The following AIRE variants were observed in gnomAD, a reference collection of about 807,000 sequenced individuals.
The protein encoded by AIRE is autoimmune polyendocrinopathy candidiasis ectodermal dystrophy protein.
In AIRE, 52 loss-of-function variants were observed where a neutral mutation model predicts 62.1. That is an observed-to-expected ratio of 0.84 (90% confidence interval 0.67 to 1.06). AIRE has a LOEUF of 1.06. AIRE is among the 50% of genes least tolerant of loss of function. The probability of loss-of-function intolerance (pLI) is 0.00; values close to 1 mark genes in which losing one functional copy is unlikely to be tolerated. For missense variants in AIRE, 774 were observed against 755.8 expected, an observed-to-expected ratio of 1.02 and a Z score of -0.28; for synonymous variants, 342 against 321.6, an observed-to-expected ratio of 1.06 and a Z score of -0.68.
In AIRE at chr21:44,293,909, G is replaced by T. The variant is rs202018301; in HGVS notation, c.1399G>T (p.Gly467Trp). The change falls in exon 11 of 14, where the codon GGG (glycine) becomes TGG (tryptophan). Residue 467 changes from glycine to tryptophan, a missense_variant and splice_region_variant. Transcript: ENST00000291582. ...CTTCCCAGCCGGCACCTCCCGGCCC[G>T]GGTGAGTGAGCGTGGTCGGCGGGGA... ...CHFPAGTSRP[G>W]TGLRCRSCSG... The T allele has an allele frequency of 1.9e-6, 3 of 1,596,436 alleles. No homozygotes were observed. The highest frequency in any genetic ancestry group is 2.5e-6 in the Non-Finnish European group (3 of 1,179,436).
Position 44,285,909 on chromosome 21 carries a change from G to T in AIRE, c.-98G>T. 1 of 1,222,230 alleles carries T rather than the reference G, an allele frequency of 8.2e-7. No homozygotes were observed. The highest frequency in any genetic ancestry group is 1.6e-5 in the South Asian group (1 of 64,464). 75.7% of individuals were successfully genotyped at this position (1,222,230 alleles called of 1,614,324 possible). The stretch of plus-strand genomic sequence containing the variant: ...GGGCGGGCGCACAGCCGGCGCGGAG[G>T]CCCCACAGCCCCGCCGGGACCCGAG... On this transcript the variant is annotated 5_prime_UTR_variant, in exon 1 of 14. Coordinates refer to ENST00000291582, the MANE Select transcript of AIRE (RefSeq NM_000383.4).
intron 7 of AIRE, 74 bp from the exon 8 acceptor site, chr21:44,291,021 T>C (rs1310605911): frequency 6.2e-7 from 1 of 1,613,276 alleles, no homozygotes; most frequent in East Asian, 2.2e-5. Flanking sequence ...GGGAGCTGTT[T>C]TGGGAAGGAG....
At chr21:44,288,497 C>A in intron 5 of AIRE, 39 bp downstream of exon 5, 1 of 1,460,442 alleles carries the variant, frequency 6.8e-7, no homozygotes, top group Non-Finnish European at 9.6e-7. Flanking sequence ...GATGGGGAGA[C>A]CCAGGCTCCA....
chr21:44,289,467 G>A, intron 5 of AIRE, 190 bp from the exon 6 acceptor site: 1 of 697,074 alleles, frequency 1.4e-6, no homozygotes. Flanking sequence ...GGGGGACGCT[G>A]TTGAACACCC....
chr21:44,293,838 T>A lies in AIRE; in HGVS notation c.1328T>A (p.Val443Glu). 6.3e-7 allele frequency: 1 copy of A among 1,597,010 alleles called. No homozygotes were observed. Among genetic ancestry groups the A allele is most frequent in the Non-Finnish European group, 8.5e-7 (1 of 1,179,594 alleles). ...RCGVCGDGTD[V>E]LRCTHCAAAF... ...GGGGTGTGCGGAGATGGTACGGACG[T>A]GCTGCGGTGTACTCACTGCGCCGCT... Residue 443 changes from valine (V) to glutamate (E), a missense_variant, in exon 11 of 14, where the codon GTG (valine) becomes GAG (glutamate). Coordinates refer to ENST00000291582, the MANE Select transcript of AIRE (RefSeq NM_000383.4).
Position 44,286,856 on chromosome 21 carries a change from G to C in AIRE, c.308-122G>C. ...GTGGGTGATGTTCCAGGACCGTCTT[G>C]GATCCTAAGAGGCAAAGGGGCCAGG... On this transcript the variant is annotated intron_variant, in intron 2 of 13. Transcript: ENST00000291582. This position sits in a 1 kb window ranked among gnomAD's most constrained non-coding sequence, Gnocchi z 6.0. The C allele has an allele frequency of 6.4e-7, 1 of 1,567,670 alleles. No individual in the cohort carries two copies.
chr21:44,293,193 G>A lies in AIRE; in HGVS notation c.1278+18G>A, dbSNP rs762245968. 2 of 1,538,132 alleles carry A rather than the reference G, an allele frequency of 1.3e-6. No individual in the cohort carries two copies. The highest frequency in any genetic ancestry group is 2.4e-5 in the South Asian group (2 of 83,486). On this transcript the variant is annotated intron_variant, in intron 10 of 13. Coordinates refer to ENST00000291582, the MANE Select transcript of AIRE (RefSeq NM_000383.4). ...GTCAGCAGGTGAGCGGGGAGTGGGG[G>A]TCAGGGTGGGCTCTTCAAGGAGCCC...
In AIRE at chr21:44,293,125, G is replaced by T. The variant is rs200679646; in HGVS notation, c.1228G>T (p.Asp410Tyr). 1.3e-6 allele frequency: 2 copies of T among 1,597,430 alleles called. No homozygotes were observed. The highest frequency in any genetic ancestry group is 8.5e-7 in the Non-Finnish European group (1 of 1,172,884). Residue 410 changes from aspartate (D) to tyrosine (Y), a missense_variant, in exon 10 of 14, where the codon GAC (aspartate) becomes TAC (tyrosine). Asp to Tyr is a radical substitution (Grantham distance 160, BLOSUM62 -3). This residue lies in a region of AIRE where 354 missense variants were observed against 296.1 expected (regional missense o/e 1.20). Transcript: ENST00000291582. ...PPSAAPLPGL[D>Y]SSALHPLLCV... ...TTCTGCAGCCCCGCTGCCAGGGCTG[G>T]ACTCCTCGGCCCTGCACCCCCTACT...
rs937685578 is a variant in AIRE at position 44,298,417 on chromosome 21, C to T, written c.*690C>T. On this transcript the variant is annotated 3_prime_UTR_variant, in exon 14 of 14. Coordinates refer to ENST00000291582, the MANE Select transcript of AIRE (RefSeq NM_000383.4). ...TTTGTGTCTGTCTTATTTTACTCAGCATGGTGGCCCCAAGGTTCATCCATG... is the reference window on the plus strand; with the variant it reads ...TTTGTGTCTGTCTTATTTTACTCAGTATGGTGGCCCCAAGGTTCATCCATG... 6.5e-6 allele frequency: 1 copy of T among 154,858 alleles called. No individual in the cohort carries two copies. The highest frequency in any genetic ancestry group is 1.4e-5 in the Non-Finnish European group (1 of 69,594). The allele number at this position is 154,858 out of a possible 1,614,324, so 9.6% of individuals were successfully genotyped here.
intron 11 of AIRE, 98 bp downstream of exon 11, chr21:44,294,008 C>A: frequency 6.9e-7 from 1 of 1,451,442 alleles, no homozygotes; most frequent in Non-Finnish European, 9.2e-7. Flanking sequence ...ACAACCACAC[C>A]CCACCCACAC....
At chr21:44,290,892 G>T (rs750913835) in intron 7 of AIRE, 9 of 1,609,678 alleles carry the variant, frequency 5.6e-6, no homozygotes, top group African/African-American at 4.0e-5. Context: ...ATGGCCCCGG[G>T]GGGTGTCTGT....
Position 44,287,209 on chromosome 21 carries a change from C to A in AIRE, c.463+76C>A. 6.4e-7 allele frequency: 1 copy of A among 1,565,722 alleles called. No individual in the cohort carries two copies. Among genetic ancestry groups the A allele is most frequent in the African/African-American group, 1.4e-5 (1 of 73,760 alleles). On this transcript the variant is annotated intron_variant, in intron 3 of 13. Coordinates refer to ENST00000291582, the MANE Select transcript of AIRE (RefSeq NM_000383.4). This position sits in a 1 kb window ranked among gnomAD's most constrained non-coding sequence, Gnocchi z 4.3. The stretch of plus-strand genomic sequence containing the variant: ...TCCCCGGGAGCCCACGCCCCCTCCC[C>A]ACCCGGGCTCCCACCCACTGGGTGT...
Position 44,293,177 on chromosome 21 carries a change from T to C in AIRE, c.1278+2T>C. 6.4e-7 allele frequency: 1 copy of C among 1,553,028 alleles called. No individual in the cohort carries two copies. The highest frequency in any genetic ancestry group is 8.7e-7 in the Non-Finnish European group (1 of 1,147,542). ...TGTGTGGGTCCTGAGGGTCAGCAGGTGAGCGGGGAGTGGGGGTCAGGGTGG... is the reference window on the plus strand; with the variant it reads ...TGTGTGGGTCCTGAGGGTCAGCAGGCGAGCGGGGAGTGGGGGTCAGGGTGG... On this transcript the variant is annotated splice_donor_variant, in intron 10 of 13. Coordinates refer to ENST00000291582, the MANE Select transcript of AIRE (RefSeq NM_000383.4). LOFTEE classifies it high-confidence loss of function.
rs2516560 is a variant in AIRE at position 44,289,456 on chromosome 21, C to G, written c.653-201C>G. ...TGAGGTTCTGGGTGGACGTGAACTT[C>G]GGGGGACGCTGTTGAACACCCTGGT... On this transcript the variant is annotated intron_variant, in intron 5 of 13. Coordinates refer to ENST00000291582, the MANE Select transcript of AIRE (RefSeq NM_000383.4). The G allele has an allele frequency of 2.7e-5, 17 of 640,656 alleles. 1 individual carries two copies. The East Asian group carries it at 4.4e-4, about 17-fold the overall frequency. 39.7% of individuals were successfully genotyped at this position (640,656 alleles called of 1,614,324 possible). A position where few individuals can be genotyped will look rare whatever the true frequency, so the allele number is the denominator to read the frequency against.
Position 44,287,465 on chromosome 21 carries a change from A to G in AIRE, c.464-52A>G. 7.5e-7 allele frequency: 1 copy of G among 1,335,708 alleles called. No individual in the cohort carries two copies. Among genetic ancestry groups the G allele is most frequent in the Non-Finnish European group, 1.0e-6 (1 of 953,686 alleles). 82.7% of individuals were successfully genotyped at this position (1,335,708 alleles called of 1,614,324 possible). The stretch of plus-strand genomic sequence containing the variant: ...CCACCGCGGGCCCCTGCCCACCGGC[A>G]CTCACCCCCACTGAGAGGGGAGGCC... On this transcript the variant is annotated intron_variant, in intron 3 of 13. Transcript: ENST00000291582. This position sits in a 1 kb window ranked among gnomAD's most constrained non-coding sequence, Gnocchi z 4.3.
At chr21:44,288,799 A>G (rs1011959637) in intron 5 of AIRE, 7 of 277,918 alleles carry the variant, frequency 2.5e-5, no homozygotes, top group Admixed American at 2.4e-4. Flanking sequence ...CCTCCAGGGT[A>G]TCGGCATTCT....
At position 44,287,339 on chromosome 21, in the gene AIRE, C is replaced by A; in HGVS notation, c.464-178C>A. On this transcript the variant is annotated intron_variant, in intron 3 of 13. Transcript: ENST00000291582. This position sits in a 1 kb window ranked among gnomAD's most constrained non-coding sequence, Gnocchi z 4.3. The stretch of plus-strand genomic sequence containing the variant: ...TGCCTGAAGGCTGAGCTCCCCGGAG[C>A]TGGTGAAGTAGGCGGGCGGGTCTCA... 1 of 732,370 alleles carries A rather than the reference C, an allele frequency of 1.4e-6. No homozygotes were observed. Among genetic ancestry groups the A allele is most frequent in the Non-Finnish European group, 2.3e-6 (1 of 439,156 alleles). The allele number at this position is 732,370 out of a possible 1,614,324, so 45.4% of individuals were successfully genotyped here. A position where few individuals can be genotyped will look rare whatever the true frequency, so the allele number is the denominator to read the frequency against.
At position 44,285,970 on chromosome 21, in the gene AIRE, C is replaced by T. The variant is rs1279221235; in HGVS notation, c.-37C>T. On this transcript the variant is annotated 5_prime_UTR_variant, in exon 1 of 14. Transcript: ENST00000291582. ...GGGCTGCCAGTGTCCCGGGACCCAC[C>T]GCGTCCGCCCCAGCCCCGGGTCCCC... is the stretch of plus-strand genomic sequence containing the variant. 5 of 1,518,032 alleles carry T rather than the reference C, an allele frequency of 3.3e-6. No individual in the cohort carries two copies. The highest frequency in any genetic ancestry group is 2.0e-5 in the Admixed American group (1 of 50,060). 94.0% of individuals were successfully genotyped at this position (1,518,032 alleles called of 1,614,324 possible).
Position 44,291,184 on chromosome 21 carries a change from G to A in AIRE, c.969G>A (p.Leu323=). The A allele has an allele frequency of 6.2e-7, 1 of 1,602,282 alleles. No individual in the cohort carries two copies. Among genetic ancestry groups the A allele is most frequent in the African/African-American group, 1.3e-5 (1 of 74,974 alleles). The change falls in exon 8 of 14, where the codon CTG becomes CTA. Residue 323 remains leucine, a synonymous_variant. Coordinates refer to ENST00000291582, the MANE Select transcript of AIRE (RefSeq NM_000383.4). Reference sequence around the variant, plus strand: ...CTCGGGCCTTCCACCTGGCCTGCCTGTCCCCTCCGCTCCGGGAGATCCCCA... The same window carrying A: ...CTCGGGCCTTCCACCTGGCCTGCCTATCCCCTCCGCTCCGGGAGATCCCCA... ...GCPRAFHLAC[L]SPPLREIPSG... is the part of the protein sequence containing the mutation.
Sources: gnomAD v4.1 joint callset for allele counts on GRCh38, gnomAD v4.1.1 for gene constraint, gnomAD v4.1.1 regional missense constraint, Gnocchi (gnomAD v3.1) non-coding constraint, MANE v1.5 for transcripts, NCBI Gene and HGNC (gene_info 2026-07-23, HGNC 2026-07-21) for gene names.